The following LRRC28 variants were observed in gnomAD, a reference collection of about 807,000 sequenced individuals.
LRRC28 encodes leucine-rich repeat-containing protein 28.
Under a neutral mutation model 45.7 loss-of-function variants are expected in LRRC28, and 39 were observed. The observed-to-expected ratio is 0.85, with a 90% confidence interval of 0.66 to 1.12. The LOEUF (loss-of-function observed/expected upper bound fraction) is 1.12, where lower values mean the gene tolerates loss of function less well. LRRC28 is among the 50% of genes most tolerant of loss of function. The pLI, the probability that LRRC28 is intolerant of heterozygous loss-of-function variation, is 0.00. For missense variants in LRRC28, 435 were observed against 438.5 expected, an observed-to-expected ratio of 0.99 and a Z score of 0.07; for synonymous variants, 206 against 178.8, an observed-to-expected ratio of 1.15 and a Z score of -1.22.
At position 99,385,987 on chromosome 15, in the gene LRRC28, T is replaced by C. The variant is rs370020758; in HGVS notation, c.1032-43T>C. 2.0e-5 allele frequency: 31 copies of C among 1,564,312 alleles called. No individual in the cohort carries two copies. The African/African-American group carries it at 4.1e-4, about 20-fold the overall frequency. On this transcript the variant is annotated intron_variant, in intron 9 of 9. Transcript: ENST00000301981. The stretch of plus-strand genomic sequence containing the variant: ...CAGCAGAAAGAATCAGAGACTTTAA[T>C]CTTGAACTCACAGCGTTCTTCTCTC...
At chr15:99,369,226 CTTCT>C (rs1277254421) in intron 9 of LRRC28, among the ~76,000 whole-genome samples, 1 of 152,098 alleles carries the variant, frequency 6.6e-6, no homozygotes, top group Non-Finnish European at 1.5e-5. Flanking sequence ...TCACTAGATT[CTTCT>C]TTATTTCTCC....
At chr15:99,379,966 T>C (rs1957767342) in intron 9 of LRRC28, among the ~76,000 whole-genome samples, 1 of 152,238 alleles carries the variant, frequency 6.6e-6, no homozygotes, top group Non-Finnish European at 1.5e-5. Flanking sequence ...TCCAACTATG[T>C]GGTCAATTTT....
chr15:99,353,963 A>G (rs1366083710), intron 7 of LRRC28: 2 of 152,246 alleles, frequency 1.3e-5, no homozygotes, highest in Non-Finnish European at 2.9e-5. Flanking sequence ...ATCTTTTTAA[A>G]AAAACAAAAC....
chr15:99,329,018 T>C (rs1472842918), intron 5 of LRRC28, among the ~76,000 whole-genome samples: 1 of 152,094 alleles, frequency 6.6e-6, no homozygotes, highest in Non-Finnish European at 1.5e-5. Context: ...CATATATCTA[T>C]ATACATATCT....
chr15:99,282,191 T>TTTTTTTTTTTTTTTG (rs1327794715), intron 3 of LRRC28, among the ~76,000 whole-genome samples: 6 of 138,382 alleles, frequency 4.3e-5, no homozygotes, highest in African/African-American at 5.2e-5. Flanking sequence ...TTTTTTTTTT[T>TTTTTTTTTTTTTTTG]GTAGCAGTAG....
At chr15:99,307,755 G>C (rs1328155555) in intron 5 of LRRC28, among the ~76,000 whole-genome samples, 1 of 152,122 alleles carries the variant, frequency 6.6e-6, no homozygotes, top group African/African-American at 2.4e-5. Context: ...ACTCATCTCA[G>C]TTTTAAAGCG....
At chr15:99,385,917 T>A (rs1957972232) in intron 9 of LRRC28, 113 bp from the exon 10 acceptor site, 1 of 894,036 alleles carries the variant, frequency 1.1e-6, no homozygotes, top group Non-Finnish European at 1.9e-6. Context: ...TTATGCAGTT[T>A]GTTGACCATG....
intron 5 of LRRC28, among the ~76,000 whole-genome samples, chr15:99,309,029 A>G (rs111792323): frequency 2.0e-5 from 3 of 152,240 alleles, no homozygotes; most frequent in Non-Finnish European, 4.4e-5. Flanking sequence ...CTTTAGATAT[A>G]TAAACTTAGC....
chr15:99,257,494 G>C, intron 2 of LRRC28: 3 of 387,304 alleles, frequency 7.7e-6, no homozygotes, highest in Non-Finnish European at 1.5e-5. Context: ...TTTGTTCAGA[G>C]AATTGACCTT....
At chr15:99,385,620 A>T (rs1286973184) in intron 9 of LRRC28, among the ~76,000 whole-genome samples, 1 of 152,222 alleles carries the variant, frequency 6.6e-6, no homozygotes, top group East Asian at 1.9e-4. Context: ...GCTCTGTGGT[A>T]TATATGTGTT....
At chr15:99,311,632 G>A (rs1955414812) in intron 5 of LRRC28, among the ~76,000 whole-genome samples, 1 of 152,184 alleles carries the variant, frequency 6.6e-6, no homozygotes, top group African/African-American at 2.4e-5. Context: ...TGGTCTTTTT[G>A]TGGTTGTTTG....
intron 2 of LRRC28, among the ~76,000 whole-genome samples, chr15:99,264,020 G>A (rs2081270123): frequency 6.6e-6 from 1 of 152,170 alleles, no homozygotes; most frequent in Non-Finnish European, 1.5e-5. Flanking sequence ...AGAGCTCAGG[G>A]CCACAAAGAA....
intron 3 of LRRC28, chr15:99,285,699 A>C (rs914413551): frequency 5.2e-6 from 3 of 572,066 alleles, no homozygotes; most frequent in African/African-American, 1.9e-5. Context: ...CTGTTTGAAA[A>C]ATTCTAATCA....
At chr15:99,313,743 G>T (rs1196610844) in intron 5 of LRRC28, among the ~76,000 whole-genome samples, 2 of 152,110 alleles carry the variant, frequency 1.3e-5, no homozygotes, top group African/African-American at 2.4e-5. Context: ...AGAATTCTTG[G>T]TTGACATTTT....
At chr15:99,303,526 A>G (rs147197044) in intron 5 of LRRC28, among the ~76,000 whole-genome samples, 3,311 of 152,300 alleles carry the variant, frequency 0.022, 124 homozygotes, top group African/African-American at 0.076. Flanking sequence ...GAACACACAC[A>G]TTCATAGATC....
At position 99,277,061 on chromosome 15, in the gene LRRC28, T is replaced by C. The variant is rs116338732; in HGVS notation, c.209+445T>C. On this transcript the variant is annotated intron_variant, in intron 3 of 9. Transcript: ENST00000301981. ...AGTTCTTTTTATGATTACCTTCAAA[T>C]GCTAAATACTATGTTTACACCTTTG... is the stretch of plus-strand genomic sequence containing the variant. 1.9e-3 allele frequency among the ~76,000 whole-genome samples: 283 copies of C among 152,328 alleles called. 1 individual carries two copies. The highest frequency in any genetic ancestry group is 6.7e-3 in the African/African-American group (279 of 41,588).
chr15:99,281,426 AT>A (rs1334874533), intron 3 of LRRC28, among the ~76,000 whole-genome samples: 1 of 151,032 alleles, frequency 6.6e-6, no homozygotes, highest in African/African-American at 2.5e-5. Flanking sequence ...CTGTTACTGT[AT>A]TTATGATATT....
At chr15:99,302,218 G>C (rs910811397) in intron 5 of LRRC28, among the ~76,000 whole-genome samples, 2 of 151,780 alleles carry the variant, frequency 1.3e-5, no homozygotes, top group African/African-American at 4.8e-5. Flanking sequence ...TAGTAGAGAT[G>C]GGGTTTCATC....
intron 7 of LRRC28, among the ~76,000 whole-genome samples, chr15:99,356,267 T>C (rs142919567): frequency 1.6e-3 from 247 of 152,254 alleles, no homozygotes; most frequent in African/African-American, 5.8e-3. Context: ...CAATTTGAGA[T>C]GACCCAGATT....
Sources: gnomAD v4.1 joint callset for allele counts (sites outside exome capture counted in the v4.1 genomes callset) on GRCh38, gnomAD v4.1.1 for gene constraint, MANE v1.5 for transcripts, NCBI Gene and HGNC (gene_info 2026-07-23, HGNC 2026-07-21) for gene names.